The following CHM variants were observed in gnomAD, a reference collection of about 807,000 sequenced individuals.
The protein encoded by CHM is CHM Rab escort protein, also known as rab proteins geranylgeranyltransferase component A 1.
Under a neutral mutation model 49.0 loss-of-function variants are expected in CHM, and 10 were observed. The observed-to-expected ratio is 0.20, with a 90% CI of 0.13 to 0.35. The LOEUF (loss-of-function observed/expected upper bound fraction) is 0.35. Among genes scored for constraint, CHM ranks in the 10% least tolerant of loss-of-function variants. The pLI is 1.00. For missense variants in CHM, 455 were observed against 478.4 expected, an observed-to-expected ratio of 0.95 and a Z score of 0.46; for synonymous variants, 184 against 167.5, an observed-to-expected ratio of 1.10 and a Z score of -0.76.
chrX:85,923,188 C>T (rs1428194118), intron 8 of CHM, among the ~76,000 whole-genome samples: 2 of 112,328 alleles, frequency 1.8e-5, no homozygotes, highest in Non-Finnish European at 3.8e-5. Flanking sequence ...TGCTTCAGTT[C>T]TCAAGACTAT....
chrX:85,955,944 T>C (rs1372919243), intron 8 of CHM, among the ~76,000 whole-genome samples: 2 of 112,420 alleles, frequency 1.8e-5, no homozygotes, highest in East Asian at 5.5e-4. Context: ...GAATTTATAG[T>C]ATTTTTATCA....
rs201569584 is a variant in CHM at position 86,043,848 on chromosome X, CTA to C, written c.49+3634_49+3635del. 5.5e-4 allele frequency among the ~76,000 whole-genome samples: 61 copies of C among 110,583 alleles called. No individual in the cohort carries two copies. The East Asian group carries it at 0.015, about 27-fold the overall frequency. ...GATCAAGGGATGCCTGTGCCTTAGC[CTA>C]TAGAGTAATGGGGATTACAGGCCCG... On this transcript the variant is annotated intron_variant, in intron 1 of 14. Transcript: ENST00000357749.
At chrX:85,997,334 G>A (rs986108768) in intron 2 of CHM, among the ~76,000 whole-genome samples, 1 of 111,381 alleles carries the variant, frequency 9.0e-6, no homozygotes, top group Non-Finnish European at 1.9e-5. Flanking sequence ...AAGGGCAGGG[G>A]TCATAGTCTG....
intron 2 of CHM, among the ~76,000 whole-genome samples, chrX:86,000,710 C>G (rs774430478): frequency 1.7e-4 from 19 of 110,704 alleles, no homozygotes; most frequent in Non-Finnish European, 3.0e-4. Context: ...ATGGGTGGAA[C>G]TGGAGGTCAT....
At chrX:85,910,394 T>C (rs1374832475) in intron 9 of CHM, among the ~76,000 whole-genome samples, 1 of 111,366 alleles carries the variant, frequency 9.0e-6, no homozygotes, top group Non-Finnish European at 1.9e-5. Flanking sequence ...GAAATACAGG[T>C]CAGTAGATTG....
chrX:85,982,090 T>C (rs1931656821), intron 2 of CHM, among the ~76,000 whole-genome samples: 1 of 112,059 alleles, frequency 8.9e-6, no homozygotes, highest in Non-Finnish European at 1.9e-5. Flanking sequence ...GTGAACCGCC[T>C]GACATGGGCA....
chrX:85,882,591 T>G, intron 12 of CHM, among the ~76,000 whole-genome samples: 1 of 112,197 alleles, frequency 8.9e-6, no homozygotes, highest in East Asian at 2.8e-4. Flanking sequence ...GTGTTTTCTA[T>G]CACAATCCCT....
At chrX:85,932,272 A>C (rs1446692880) in intron 8 of CHM, among the ~76,000 whole-genome samples, 1 of 111,981 alleles carries the variant, frequency 8.9e-6, no homozygotes, top group Non-Finnish European at 1.9e-5. Context: ...TAGTATTAAG[A>C]CTATCTCTCT....
chrX:85,876,190 A>C (rs779465638), intron 13 of CHM, among the ~76,000 whole-genome samples: 4 of 111,499 alleles, frequency 3.6e-5, no homozygotes, highest in Non-Finnish European at 7.6e-5. Flanking sequence ...CACACGTACT[A>C]GGATGGCTAT....
chrX:85,872,653 CCTT>C (rs1924155239), intron 14 of CHM, among the ~76,000 whole-genome samples: 1 of 112,217 alleles, frequency 8.9e-6, no homozygotes, highest in Admixed American at 9.5e-5. Flanking sequence ...GTAGTTACAA[CCTT>C]CTTGACTGTT....
Position 85,861,394 on chromosome X carries a change from A to G in CHM, c.*3236T>C, listed in dbSNP as rs1451107911. 9.0e-6 allele frequency: 1 copy of G among 111,196 alleles called. No homozygotes were observed. The highest frequency in any genetic ancestry group is 1.9e-5 in the Non-Finnish European group (1 of 52,936). The allele number at this position is 111,196 out of a possible 1,213,427, so 9.2% of individuals were successfully genotyped here. A position where few individuals can be genotyped will look rare whatever the true frequency, so the allele number is the denominator to read the frequency against. On this transcript the variant is annotated 3_prime_UTR_variant, in exon 15 of 15. Coordinates refer to ENST00000357749, the MANE Select transcript of CHM (RefSeq NM_000390.4). ...CTATTTAGCAATTAAATTTCAACAC[A>G]TTTTTTTTGGAACTCTTTAGGACTT...
chrX:86,007,701 A>C (rs1932894019), intron 2 of CHM, among the ~76,000 whole-genome samples: 1 of 112,466 alleles, frequency 8.9e-6, no homozygotes, highest in African/African-American at 3.2e-5. Context: ...TCAAAACCAC[A>C]ATGAGGTACC....
chrX:86,015,797 G>C (rs768388639), intron 2 of CHM, among the ~76,000 whole-genome samples: 1 of 112,301 alleles, frequency 8.9e-6, no homozygotes, highest in African/African-American at 3.2e-5. Context: ...ACATGATTTA[G>C]GGTATCTGGA....
intron 12 of CHM, among the ~76,000 whole-genome samples, chrX:85,886,809 T>C (rs1003751644): frequency 8.3e-5 from 9 of 108,787 alleles, no homozygotes; most frequent in East Asian, 2.9e-4. Flanking sequence ...GCCAAAAGCA[T>C]TGAAAAAGGA....
chrX:86,045,201 T>A (rs1056392108), intron 1 of CHM, among the ~76,000 whole-genome samples: 1 of 112,282 alleles, frequency 8.9e-6, no homozygotes, highest in African/African-American at 3.2e-5. Flanking sequence ...CAACTGAATC[T>A]ATGAAACACT....
rs549448240 is a variant in CHM at position 85,970,280 on chromosome X, C to T, written c.315-6228G>A. The T allele has an allele frequency of 2.7e-4, 205 of 751,048 alleles. No homozygotes were observed. The African/African-American group carries it at 4.4e-3, about 16-fold the overall frequency. The allele number at this position is 751,048 out of a possible 1,213,427, so 61.9% of individuals were successfully genotyped here. On this transcript the variant is annotated intron_variant, in intron 4 of 14. Coordinates refer to ENST00000357749, the MANE Select transcript of CHM (RefSeq NM_000390.4). ...CTCAACAACTAAAGAATATTGGATT[C>T]TTCCCATAGCTTCCTAACACTGGGA...
At chrX:85,928,742 T>C (rs922198338) in intron 8 of CHM, among the ~76,000 whole-genome samples, 1 of 110,337 alleles carries the variant, frequency 9.1e-6, no homozygotes, top group Non-Finnish European at 1.9e-5. Flanking sequence ...TTAACCGGAG[T>C]TTTTCCTAAA....
intron 2 of CHM, among the ~76,000 whole-genome samples, chrX:85,986,443 C>T (rs1338033790): frequency 1.8e-5 from 2 of 111,522 alleles, no homozygotes; most frequent in African/African-American, 6.5e-5. Flanking sequence ...GGGAACATGG[C>T]TGCAACTGTG....
At chrX:85,870,950 A>T (rs1924016204) in intron 14 of CHM, among the ~76,000 whole-genome samples, 1 of 110,925 alleles carries the variant, frequency 9.0e-6, no homozygotes, top group Admixed American at 9.6e-5. Context: ...ACCTCTATAC[A>T]TTTTACAAAT....
Sources: gnomAD v4.1 joint callset for allele counts (sites outside exome capture counted in the v4.1 genomes callset) on GRCh38, gnomAD v4.1.1 for gene constraint, MANE v1.5 for transcripts, NCBI Gene and HGNC (gene_info 2026-07-23, HGNC 2026-07-21) for gene names.